Variants in ERBB4 observed in about 807,000 individuals in gnomAD.
ERBB4 encodes the protein erb-b2 receptor tyrosine kinase 4, also known as receptor tyrosine-protein kinase erbB-4.
A neutral mutation model predicts 158.0 loss-of-function variants in ERBB4; 42 were observed. The ratio of observed to expected loss-of-function variants is 0.27; its 90% confidence interval spans 0.21 to 0.34. The LOEUF (loss-of-function observed/expected upper bound fraction) is 0.34, where lower values mean the gene tolerates loss of function less well. Ranked by LOEUF, ERBB4 falls within the 10% of genes least tolerant of loss-of-function variation. The pLI is 1.00. For missense variants in ERBB4, 1,333 were observed against 1,624.1 expected, an observed-to-expected ratio of 0.82 and a Z score of 3.08; for synonymous variants, 583 against 558.7, an observed-to-expected ratio of 1.04 and a Z score of -0.61.
At chr2:212,174,208 G>T (rs1187491457) in intron 1 of ERBB4, among the ~76,000 whole-genome samples, 1 of 151,974 alleles carries the variant, frequency 6.6e-6, no homozygotes, top group Non-Finnish European at 1.5e-5. Context: ...TGACATTTTT[G>T]GATTTTCATA....
intron 20 of ERBB4, among the ~76,000 whole-genome samples, chr2:211,544,396 C>A (rs780555469): frequency 1.3e-4 from 20 of 151,982 alleles, no homozygotes; most frequent in Non-Finnish European, 7.4e-5. Flanking sequence ...TACCATCAAT[C>A]TGAGTTTGCT....
At chr2:212,381,974 T>C (rs1339226632) in intron 1 of ERBB4, among the ~76,000 whole-genome samples, 4 of 151,124 alleles carry the variant, frequency 2.6e-5, no homozygotes, top group Non-Finnish European at 5.9e-5. Context: ...AGATCCTCAC[T>C]ACTCAAAGTG....
At chr2:212,478,376 C>T (rs10497976) in intron 1 of ERBB4, among the ~76,000 whole-genome samples, 16,051 of 151,996 alleles carry the variant, frequency 0.11, 1,138 homozygotes, top group Non-Finnish European at 0.16. Context: ...ACTAGATTCT[C>T]TTTCAGCTAT....
chr2:211,850,475 G>T (rs1379351198), intron 3 of ERBB4, among the ~76,000 whole-genome samples: 1 of 151,840 alleles, frequency 6.6e-6, no homozygotes, highest in African/African-American at 2.4e-5. Context: ...AGAGAACAAA[G>T]GTAATTAGAT....
At chr2:211,626,992 A>G (rs1435145565) in intron 17 of ERBB4, among the ~76,000 whole-genome samples, 2 of 152,136 alleles carry the variant, frequency 1.3e-5, no homozygotes, top group Admixed American at 6.5e-5. Context: ...TAGTAAGGAA[A>G]TGACGGTTTG....
At position 211,772,955 on chromosome 2, in the gene ERBB4, A is replaced by ATAT. The variant is rs1553630145; in HGVS notation, c.556+15069_556+15070insATA. 4.0e-4 allele frequency among the ~76,000 whole-genome samples: 33 copies of ATAT among 83,294 alleles called. 5 individuals carry two copies. The highest frequency in any genetic ancestry group is 1.5e-3 in the African/African-American group (27 of 18,326). 54.6% of individuals were successfully genotyped at this position (83,294 alleles called of 152,430 possible). A position where few individuals can be genotyped will look rare whatever the true frequency, so the allele number is the denominator to read the frequency against. On this transcript the variant is annotated intron_variant, in intron 4 of 27. Coordinates refer to ENST00000342788, the MANE Select transcript of ERBB4 (RefSeq NM_005235.3). ...TATATATATATATATATATATATAT[A>ATAT]TTTTTTTTTTTAAAGATGGGGTCCT... is the stretch of plus-strand genomic sequence containing the variant.
At chr2:212,010,540 G>C (rs2076361200) in intron 2 of ERBB4, among the ~76,000 whole-genome samples, 1 of 151,986 alleles carries the variant, frequency 6.6e-6, no homozygotes, top group African/African-American at 2.4e-5. Context: ...CAGGACAAAG[G>C]GCAAAAGCAG....
At chr2:212,018,230 C>A (rs1251438873) in intron 2 of ERBB4, among the ~76,000 whole-genome samples, 1 of 152,202 alleles carries the variant, frequency 6.6e-6, no homozygotes, top group African/African-American at 2.4e-5. Context: ...TCCAACAAGC[C>A]ACAGCAGGAC....
chr2:211,473,038 A>G (rs1480019735), intron 20 of ERBB4, among the ~76,000 whole-genome samples: 1 of 151,950 alleles, frequency 6.6e-6, no homozygotes, highest in Non-Finnish European at 1.5e-5. Flanking sequence ...GTTACTATAT[A>G]CGGGGAATCA....
chr2:212,389,540 T>A (rs1377315670), intron 1 of ERBB4, among the ~76,000 whole-genome samples: 2 of 152,022 alleles, frequency 1.3e-5, no homozygotes, highest in Non-Finnish European at 2.9e-5. Flanking sequence ...ATAAAAGAAT[T>A]CACTCACTCA....
chr2:212,328,652 T>G (rs1033068798), intron 1 of ERBB4, among the ~76,000 whole-genome samples: 1 of 152,046 alleles, frequency 6.6e-6, no homozygotes, highest in Non-Finnish European at 1.5e-5. Flanking sequence ...CCATATAGTA[T>G]GTAGGCTAGG....
intron 11 of ERBB4, among the ~76,000 whole-genome samples, chr2:211,702,906 T>C (rs1444336386): frequency 6.6e-6 from 1 of 152,156 alleles, no homozygotes; most frequent in Non-Finnish European, 1.5e-5. Flanking sequence ...TATTTTACTA[T>C]AGTCCACATT....
chr2:211,533,462 T>G (rs1006765585), intron 20 of ERBB4, among the ~76,000 whole-genome samples: 2 of 152,058 alleles, frequency 1.3e-5, no homozygotes, highest in Non-Finnish European at 2.9e-5. Context: ...CCTTACTTAT[T>G]TTAAAGTTGA....
In ERBB4 at chr2:211,872,759, G is replaced by A. The variant is rs147741624; in HGVS notation, c.421+74671C>T. On this transcript the variant is annotated intron_variant, in intron 3 of 27. Coordinates refer to ENST00000342788, the MANE Select transcript of ERBB4 (RefSeq NM_005235.3). ...TTACTGTAAGTGATACAATTTTATCGTAAGTAAAATTGTATTGTTTTACTG... is the reference window on the plus strand; with the variant it reads ...TTACTGTAAGTGATACAATTTTATCATAAGTAAAATTGTATTGTTTTACTG... Among the ~76,000 whole-genome samples the A allele has an allele frequency of 6.3e-3, 959 of 151,922 alleles. 6 individuals carry two copies. The highest frequency in any genetic ancestry group is 8.8e-3 in the Non-Finnish European group (598 of 67,952).
intron 1 of ERBB4, among the ~76,000 whole-genome samples, chr2:212,471,022 C>T (rs1689091998): frequency 6.6e-6 from 1 of 151,938 alleles, no homozygotes; most frequent in Non-Finnish European, 1.5e-5. Flanking sequence ...AGGACCTAGA[C>T]AAGAATAACA....
At chr2:212,378,325 T>C (rs940653339) in intron 1 of ERBB4, among the ~76,000 whole-genome samples, 4 of 151,902 alleles carry the variant, frequency 2.6e-5, no homozygotes, top group South Asian at 2.1e-4. Flanking sequence ...AGAACCAATG[T>C]TCTTTGTCCA....
At chr2:212,310,191 TTATAAC>T (rs1211585758) in intron 1 of ERBB4, among the ~76,000 whole-genome samples, 5 of 150,790 alleles carry the variant, frequency 3.3e-5, no homozygotes, top group Non-Finnish European at 6.0e-5. Flanking sequence ...ATTCTCCATG[TTATAAC>T]TATAATTATT....
intron 9 of ERBB4, 91 bp from the exon 10 acceptor site, chr2:211,705,482 T>C: frequency 1.1e-6 from 1 of 909,746 alleles, no homozygotes; most frequent in Admixed American, 1.8e-5. Context: ...TCAAATTTAA[T>C]TTTAATTAGC....
At chr2:212,366,260 G>A (rs1261477086) in intron 1 of ERBB4, among the ~76,000 whole-genome samples, 2 of 151,914 alleles carry the variant, frequency 1.3e-5, no homozygotes, top group Non-Finnish European at 2.9e-5. Context: ...TAAAAAGCTT[G>A]GCAGTTTTCA....
Sources: allele counts gnomAD v4.1 joint callset (sites outside exome capture counted in the v4.1 genomes callset), GRCh38; gene constraint gnomAD v4.1.1; transcripts MANE v1.5; gene names NCBI Gene and HGNC (gene_info 2026-07-23, HGNC 2026-07-21).